Variants in UTY observed in about 807,000 individuals in gnomAD.
The protein encoded by UTY is histone demethylase UTY.
In UTY, 12 loss-of-function variants were observed where a neutral mutation model predicts 32.5. The ratio of observed to expected loss-of-function variants is 0.37; its 90% CI spans 0.24 to 0.60. The LOEUF (loss-of-function observed/expected upper bound fraction) is 0.60. Ranked by LOEUF, UTY falls within the 20% of genes least tolerant of loss-of-function variation. The probability of loss-of-function intolerance (pLI) is 0.69; values close to 1 mark genes in which losing one functional copy is unlikely to be tolerated. For missense variants in UTY, 303 were observed against 299.2 expected (o/e 1.01, Z -0.09); for synonymous variants, 131 against 103.4 (o/e 1.27, Z -1.62).
At chrY:13,369,728 A>T in intron 8 of UTY, among the ~76,000 whole-genome samples, 2 of 33,384 alleles carry the variant, frequency 6.0e-5, no homozygotes, top group Non-Finnish European at 1.5e-4. Context: ...TCCAACATTT[A>T]AAAAAAATCT....
chrY:13,402,260 G>C, intron 6 of UTY, among the ~76,000 whole-genome samples: 1 of 33,379 alleles, frequency 3.0e-5, no homozygotes, highest in African/African-American at 1.2e-4. Context: ...AGACAGTAAA[G>C]GAAATGAGAC....
intron 27 of UTY, among the ~76,000 whole-genome samples, chrY:13,276,526 G>A (rs943869802): frequency 3.0e-5 from 1 of 33,044 alleles, no homozygotes; most frequent in Non-Finnish European, 7.5e-5. Flanking sequence ...CGGCTAACAC[G>A]GTGAAACCTC....
intron 3 of UTY, among the ~76,000 whole-genome samples, chrY:13,449,395 C>G (rs761517992): frequency 3.0e-5 from 1 of 33,033 alleles, no homozygotes; most frequent in Non-Finnish European, 7.5e-5. Context: ...ATGCAATTCA[C>G]TTTCTAGAAA....
intron 4 of UTY, among the ~76,000 whole-genome samples, chrY:13,446,569 G>C: frequency 1.2e-4 from 2 of 16,626 alleles, no homozygotes; most frequent in Non-Finnish European, 2.6e-4. Context: ...TAGATAGATA[G>C]ATAGATAGAT....
intron 17 of UTY, among the ~76,000 whole-genome samples, chrY:13,345,212 C>T: frequency 3.0e-5 from 1 of 32,967 alleles, no homozygotes; most frequent in Non-Finnish European, 7.5e-5. Context: ...AAACCAGCAG[C>T]GACCACAACT....
chrY:13,368,920 T>A, intron 9 of UTY, among the ~76,000 whole-genome samples: 1 of 32,843 alleles, frequency 3.0e-5, no homozygotes, highest in Non-Finnish European at 7.5e-5. Context: ...CTCTCTCTAG[T>A]GTATCCACAC....
At chrY:13,291,621 G>A (rs749853945) in intron 27 of UTY, among the ~76,000 whole-genome samples, 7 of 32,872 alleles carry the variant, frequency 2.1e-4, no homozygotes, top group Admixed American at 1.7e-3. Flanking sequence ...AGGGTGACGG[G>A]TTGACAGTTG....
At chrY:13,334,201 G>A (rs2060897806) in intron 18 of UTY, among the ~76,000 whole-genome samples, 1 of 33,293 alleles carries the variant, frequency 3.0e-5, no homozygotes, top group Non-Finnish European at 7.4e-5. Context: ...ATTTTGCACT[G>A]GCCCCCTGGC....
At chrY:13,288,783 A>G (rs2057583022) in intron 27 of UTY, among the ~76,000 whole-genome samples, 1 of 33,460 alleles carries the variant, frequency 3.0e-5, no homozygotes, top group Admixed American at 2.7e-4. Context: ...CCAGCAAGAG[A>G]CTCTGATGAA....
At chrY:13,327,339 T>C (rs532063237) in intron 18 of UTY, among the ~76,000 whole-genome samples, 16 of 33,800 alleles carry the variant, frequency 4.7e-4, no homozygotes, top group African/African-American at 1.8e-3. Flanking sequence ...TATTTCAATA[T>C]ATAGAATAAT....
rs2059693719 is a variant in UTY, at chrY:13,319,591, GA to G, written c.3276+3963del. On this transcript the variant is annotated intron_variant, in intron 21 of 29. Coordinates refer to ENST00000545955, the MANE Select transcript of UTY (RefSeq NM_001258249.2). ...ATGTGAGATTTTAAGGGACAATTTT[GA>G]AAGATAAGAGAAACTCAGTTCCTGT... is the stretch of plus-strand genomic sequence containing the variant. Among the ~76,000 whole-genome samples, 3 of 33,508 alleles carry G rather than the reference GA, an allele frequency of 9.0e-5. No homozygotes were observed. The East Asian group carries it at 2.3e-3, about 26-fold the overall frequency. 89.9% of individuals were successfully genotyped at this position (33,508 alleles called of 37,273 possible).
intron 15 of UTY, among the ~76,000 whole-genome samples, chrY:13,356,296 C>T (rs1603431496): frequency 3.1e-5 from 1 of 31,906 alleles, no homozygotes; most frequent in East Asian, 8.8e-4. Context: ...GCTGGGACTA[C>T]AGGCATGTGC....
intron 2 of UTY, among the ~76,000 whole-genome samples, chrY:13,471,466 A>G (rs2078471879): frequency 3.0e-5 from 1 of 33,578 alleles, no homozygotes; most frequent in African/African-American, 1.2e-4. Context: ...TACTTTACAT[A>G]AATGTTCTTC....
chrY:13,443,410 G>C (rs965917710), intron 4 of UTY, among the ~76,000 whole-genome samples: 3 of 33,514 alleles, frequency 9.0e-5, no homozygotes, highest in Admixed American at 2.7e-4. Context: ...AATTGTCACA[G>C]GTTAAATAAT....
intron 18 of UTY, among the ~76,000 whole-genome samples, chrY:13,326,616 T>C (rs2060279006): frequency 2.9e-5 from 1 of 33,946 alleles, no homozygotes; most frequent in Non-Finnish European, 7.3e-5. Flanking sequence ...TTCCTCGTTA[T>C]TCATTTTCCA....
At chrY:13,386,266 A>G in intron 8 of UTY, among the ~76,000 whole-genome samples, 1 of 25,042 alleles carries the variant, frequency 4.0e-5, no homozygotes, top group African/African-American at 1.6e-4. Flanking sequence ...ACGCCCGGCT[A>G]ATTTTTTGTA....
intron 4 of UTY, among the ~76,000 whole-genome samples, chrY:13,440,044 C>T: frequency 3.1e-5 from 1 of 32,702 alleles, no homozygotes; most frequent in Non-Finnish European, 7.5e-5. Flanking sequence ...ATGTGTGGAC[C>T]AGCCAGCCAG....
intron 27 of UTY, chrY:13,287,478 C>T: frequency 5.8e-6 from 1 of 171,224 alleles, no homozygotes; most frequent in Non-Finnish European, 1.1e-5. Context: ...AAAAGAGCCT[C>T]TCCCACTCCT....
intron 3 of UTY, among the ~76,000 whole-genome samples, chrY:13,465,122 AAAT>A (rs2077798544): frequency 5.7e-4 from 19 of 33,288 alleles, no homozygotes; most frequent in Non-Finnish European, 1.3e-3. Context: ...AATACATAAA[AAAT>A]AATAAAATAC....
Sources: allele counts gnomAD v4.1 joint callset (sites outside exome capture counted in the v4.1 genomes callset), GRCh38; gene constraint gnomAD v4.1.1; transcripts MANE v1.5; gene names NCBI Gene and HGNC (gene_info 2026-07-23, HGNC 2026-07-21).